ANKS3: variants seen among roughly 807,000 people sequenced by gnomAD.
ANKS3 encodes ankyrin repeat and SAM domain-containing protein 3.
ANKS3 carries 62 observed loss-of-function variants against 80.7 expected under a neutral mutation model. That is an observed-to-expected ratio of 0.77 (90% CI 0.63 to 0.95). The LOEUF (loss-of-function observed/expected upper bound fraction) is 0.95, where lower values mean the gene tolerates loss of function less well. Ranked by LOEUF, ANKS3 falls within the 40% of genes least tolerant of loss-of-function variation. The pLI, the probability that ANKS3 is intolerant of heterozygous loss-of-function variation, is 0.00. For missense variants in ANKS3, 1,150 were observed against 883.6 expected (o/e 1.30, Z -3.82); for synonymous variants, 489 against 355.3 (o/e 1.38, Z -4.23).
At position 4,701,483 on chromosome 16, in the gene ANKS3, A is replaced by C. The variant is rs1225552557; in HGVS notation, c.1070T>G (p.Leu357Arg). 1 of 1,611,832 alleles carries C rather than the reference A, an allele frequency of 6.2e-7. No individual in the cohort carries two copies. Among genetic ancestry groups the C allele is most frequent in the Admixed American group, 1.7e-5 (1 of 59,976 alleles). ...PVQSSSSSEG[L>R]ARAQGLSSEA... is the part of the protein sequence containing the mutation. ...GCTGCTGAGCCCCTGGGCTCTGGCC[A>C]GGCCCTCGCTGCTGCTGCTGCTCTG... Residue 357 changes from leucine to arginine, a missense_variant, in exon 10 of 18, where the codon CTG becomes CGG. Leu to Arg is a moderately radical substitution (Grantham distance 102). Coordinates refer to ENST00000304283, the MANE Select transcript of ANKS3 (RefSeq NM_133450.4).
chr16:4,700,711 A>G (rs780154915), intron 11 of ANKS3: 2 of 603,964 alleles, frequency 3.3e-6, no homozygotes, highest in Non-Finnish European at 6.0e-6. Flanking sequence ...TCTTCTCCCC[A>G]GGCTCAGGGA....
Position 4,712,587 on chromosome 16 carries a change from C to T in ANKS3, c.709+1464G>A, listed in dbSNP as rs886404401. On this transcript the variant is annotated intron_variant, in intron 7 of 17. Coordinates refer to ENST00000304283, the MANE Select transcript of ANKS3 (RefSeq NM_133450.4). ...CCATATGAAAATTCACCATCGTCTC[C>T]AAAGATATGGGAACACAATTCAATA... Among the ~76,000 whole-genome samples the T allele has an allele frequency of 1.9e-4, 29 of 152,216 alleles. 1 individual carries two copies. Among genetic ancestry groups the T allele is most frequent in the African/African-American group, 6.7e-4 (28 of 41,494 alleles).
chr16:4,707,825 T>A (rs895885932), intron 7 of ANKS3, among the ~76,000 whole-genome samples: 1 of 152,038 alleles, frequency 6.6e-6, no homozygotes, highest in African/African-American at 2.4e-5. Flanking sequence ...AAAATATTGA[T>A]CAGGGCCGGG....
intron 7 of ANKS3, among the ~76,000 whole-genome samples, chr16:4,710,043 G>C (rs1156757695): frequency 6.6e-6 from 1 of 151,928 alleles, no homozygotes; most frequent in Non-Finnish European, 1.5e-5. Context: ...AAGACTACAT[G>C]ACTACATGAT....
chr16:4,717,930 G>C (rs1567398520), intron 6 of ANKS3, among the ~76,000 whole-genome samples: 1 of 152,116 alleles, frequency 6.6e-6, no homozygotes, highest in Non-Finnish European at 1.5e-5. Flanking sequence ...CAAGTAGCTG[G>C]GACTACAGGG....
At chr16:4,710,205 G>C (rs1042570732) in intron 7 of ANKS3, among the ~76,000 whole-genome samples, 7 of 152,160 alleles carry the variant, frequency 4.6e-5, no homozygotes, top group Admixed American at 4.6e-4. Context: ...GTTCACAGTA[G>C]AGTGACTATA....
rs773448041 is a variant in ANKS3 at position 4,730,053 on chromosome 16, G to C, written c.97C>G (p.Leu33Val). ...GLGTQVSGEE[L>V]DVPLDLHTAA... ...GTGTGAAGATCCAGGGGGACATCCA[G>C]CTCCTCCCCGCTGACCTGTGTCCCG... Residue 33 changes from leucine to valine, a missense_variant, in exon 3 of 18, where the codon CTG becomes GTG. Leu to Val is a conservative substitution (Grantham distance 32, BLOSUM62 1). Transcript: ENST00000304283. 6.3e-7 allele frequency: 1 copy of C among 1,589,696 alleles called. No individual in the cohort carries two copies. The highest frequency in any genetic ancestry group is 1.7e-5 in the Admixed American group (1 of 58,156).
rs975975128 is a variant in ANKS3 at position 4,729,100 on chromosome 16, C to T, written c.170+880G>A. ...ACATAAGGGGGTGGAAGTGAGGAGA[C>T]GACCCTTTTCCAAAAACAAGATGAT... On this transcript the variant is annotated intron_variant, in intron 3 of 17. Coordinates refer to ENST00000304283, the MANE Select transcript of ANKS3 (RefSeq NM_133450.4). Among the ~76,000 whole-genome samples, 7 of 152,174 alleles carry T rather than the reference C, an allele frequency of 4.6e-5. No homozygotes were observed. The East Asian group carries it at 5.8e-4, about 13-fold the overall frequency.
chr16:4,704,591 G>A (rs1195697260), intron 8 of ANKS3, among the ~76,000 whole-genome samples: 1 of 152,178 alleles, frequency 6.6e-6, no homozygotes, highest in Admixed American at 6.5e-5. Flanking sequence ...CAAAGGCTAG[G>A]ATTCTTCACC....
chr16:4,730,663 T>C (rs1422493724), intron 2 of ANKS3, among the ~76,000 whole-genome samples: 1 of 152,014 alleles, frequency 6.6e-6, no homozygotes, highest in Non-Finnish European at 1.5e-5. Flanking sequence ...GGTCAAGAGT[T>C]CAAGACCAGC....
chr16:4,701,420 G>C lies in ANKS3; in HGVS notation c.1119+14C>G. ...GGACCGGCTATGGGAGACCAAGAAAGAAAGAATCCGTACCTCGTTGCTCTC... is the reference window on the plus strand; with the variant it reads ...GGACCGGCTATGGGAGACCAAGAAACAAAGAATCCGTACCTCGTTGCTCTC... On this transcript the variant is annotated intron_variant, in intron 10 of 17. Transcript: ENST00000304283. The C allele has an allele frequency of 6.3e-7, 1 of 1,582,506 alleles. No individual in the cohort carries two copies. The highest frequency in any genetic ancestry group is 8.6e-7 in the Non-Finnish European group (1 of 1,161,872).
chr16:4,705,714 C>T (rs1040731355), intron 7 of ANKS3, among the ~76,000 whole-genome samples: 9 of 152,130 alleles, frequency 5.9e-5, no homozygotes, highest in Non-Finnish European at 1.3e-4. Flanking sequence ...CCTGCCTTGG[C>T]CTCCCAAAGT....
At chr16:4,714,960 C>G (rs2080709667) in intron 6 of ANKS3, among the ~76,000 whole-genome samples, 1 of 133,788 alleles carries the variant, frequency 7.5e-6, no homozygotes, top group East Asian at 2.1e-4. Context: ...CCACTGCACT[C>G]CAGCCTGAAG....
intron 2 of ANKS3, 117 bp from the exon 3 acceptor site, chr16:4,730,268 CAA>C (rs2081551577): frequency 1.0e-6 from 1 of 973,534 alleles, no homozygotes; most frequent in African/African-American, 1.7e-5. Context: ...CCAGTGCAGT[CAA>C]CCCCGGGAGT....
In ANKS3 at chr16:4,701,074, T is replaced by C. The variant is rs762008368; in HGVS notation, c.1180A>G (p.Lys394Glu). 11 of 1,613,994 alleles carry C rather than the reference T, an allele frequency of 6.8e-6. No homozygotes were observed. The South Asian group carries it at 7.7e-5, about 11-fold the overall frequency. The change falls in exon 11 of 18, where the codon AAG becomes GAG. Residue 394 changes from lysine (K) to glutamate (E), a missense_variant. Lys to Glu is a moderately conservative substitution (Grantham distance 56, BLOSUM62 1). Coordinates refer to ENST00000304283, the MANE Select transcript of ANKS3 (RefSeq NM_133450.4). ...RKQAKSYMKT[K>E]NPDSQWPPRA... ...GGAGGCCACTGGCTGTCAGGATTCT[T>C]GGTCTTCATGTAACTTTTAGCTTGT...
chr16:4,697,812 C>G (rs1269330805), intron 15 of ANKS3, among the ~76,000 whole-genome samples, 165 bp downstream of exon 15: 3 of 152,158 alleles, frequency 2.0e-5, no homozygotes, highest in Non-Finnish European at 2.9e-5. Context: ...GGCTTGGGTC[C>G]CCAGGGCCCC....
intron 6 of ANKS3, among the ~76,000 whole-genome samples, chr16:4,720,859 C>A (rs936960272): frequency 6.7e-6 from 1 of 150,302 alleles, no homozygotes; most frequent in African/African-American, 2.4e-5. Context: ...ATCGCTTGAA[C>A]CTGGGAGGCA....
At chr16:4,732,874 A>C (rs859317) in intron 1 of ANKS3, among the ~76,000 whole-genome samples, 1 of 151,692 alleles carries the variant, frequency 6.6e-6, no homozygotes, top group Admixed American at 6.6e-5. Context: ...GACACAATGG[A>C]GTACTATTCA....
chr16:4,698,298 G>A, intron 14 of ANKS3, 129 bp downstream of exon 14: 1 of 1,305,744 alleles, frequency 7.7e-7, no homozygotes, highest in Non-Finnish European at 1.0e-6. Flanking sequence ...ATGAAATGGG[G>A]GTGGGGTGGC....
Sources: allele counts gnomAD v4.1 joint callset (sites outside exome capture counted in the v4.1 genomes callset), GRCh38; gene constraint gnomAD v4.1.1; transcripts MANE v1.5; gene names NCBI Gene and HGNC (gene_info 2026-07-23, HGNC 2026-07-21).